The following SNX18 variants were observed in gnomAD, a reference collection of about 807,000 sequenced individuals.
The protein encoded by SNX18 is sorting nexin 18, also known as sorting nexin-18.
In SNX18, 35 loss-of-function variants were observed where a neutral mutation model predicts 48.7. The observed-to-expected ratio is 0.72, with a 90% CI of 0.55 to 0.95. The LOEUF is 0.95. SNX18 is among the 40% of genes least tolerant of loss of function. The pLI is 0.00. For missense variants in SNX18, 824 were observed against 871.0 expected, an observed-to-expected ratio of 0.95 and a Z score of 0.68; for synonymous variants, 492 against 384.7, an observed-to-expected ratio of 1.28 and a Z score of -3.26.
chr5:54,629,274 A>C, the SNX18 span, among the ~76,000 whole-genome samples: 1 of 152,182 alleles, frequency 6.6e-6, no homozygotes, highest in Admixed American at 6.5e-5. Context: ...ATGTTCTCAC[A>C]GTCCTGCAGC....
the SNX18 span, among the ~76,000 whole-genome samples, chr5:54,574,400 G>A: frequency 6.6e-6 from 1 of 152,154 alleles, no homozygotes. Context: ...CCTATATTCA[G>A]GGGTTGGCAA....
At chr5:54,615,023 C>G in the SNX18 span, among the ~76,000 whole-genome samples, 6 of 152,118 alleles carry the variant, frequency 3.9e-5, no homozygotes, top group African/African-American at 1.4e-4. Context: ...GTACATGACT[C>G]TAGGAAACAT....
At chr5:54,557,432 C>T in the SNX18 span, among the ~76,000 whole-genome samples, 14 of 152,182 alleles carry the variant, frequency 9.2e-5, no homozygotes, top group East Asian at 3.8e-4. Flanking sequence ...ACATAGCATG[C>T]GGTTGCCAAA....
the SNX18 span, among the ~76,000 whole-genome samples, chr5:54,616,723 C>T: frequency 6.6e-6 from 1 of 151,954 alleles, no homozygotes; most frequent in African/African-American, 2.4e-5. Context: ...AAGCCAAGAT[C>T]ATGCCACTGC....
the SNX18 span, among the ~76,000 whole-genome samples, chr5:54,588,306 C>CCTTTTTTTTT: frequency 1.4e-5 from 1 of 73,910 alleles, no homozygotes; most frequent in African/African-American, 5.4e-5. Flanking sequence ...TATTTCTATT[C>CCTTTTTTTTT]TTTTTTTTTT....
Position 54,519,506 on chromosome 5 carries a change from C to T in SNX18, c.1554C>T (p.Val518=). 1 of 1,614,240 alleles carries T rather than the reference C, an allele frequency of 6.2e-7. No individual in the cohort carries two copies. The highest frequency in any genetic ancestry group is 8.5e-7 in the Non-Finnish European group (1 of 1,180,054). ...AEQPRQDLDP[V]MDLLALYQGH... is the part of the protein sequence containing the mutation. ...AGCCCAGGCAGGACCTGGATCCCGT[C>T]ATGGACCTATTAGCGCTGTATCAGG... Residue 518 remains valine (V), a synonymous_variant, in exon 1 of 2, where the codon GTC becomes GTT. Transcript: ENST00000381410.
the SNX18 span, among the ~76,000 whole-genome samples, chr5:54,630,144 C>G: frequency 1.3e-5 from 2 of 152,174 alleles, no homozygotes; most frequent in Admixed American, 1.3e-4. Context: ...CTGCAGTGAA[C>G]AATTGACAAA....
intron 1 of SNX18, among the ~76,000 whole-genome samples, chr5:54,521,690 G>A (rs186973410): frequency 6.6e-6 from 1 of 152,206 alleles, no homozygotes. Flanking sequence ...GGGTGACAGA[G>A]CAAGACCCTG....
At chr5:54,565,572 TAA>T in the SNX18 span, among the ~76,000 whole-genome samples, 4 of 148,722 alleles carry the variant, frequency 2.7e-5, no homozygotes, top group African/African-American at 4.9e-5. Flanking sequence ...GACCTTGTCT[TAA>T]AAAAAAAAGT....
the SNX18 span, among the ~76,000 whole-genome samples, chr5:54,583,028 ACAATTTAGTCCTT>A: frequency 6.6e-6 from 1 of 152,216 alleles, no homozygotes; most frequent in South Asian, 2.1e-4. Context: ...ACAGTACTAT[ACAATTTAGTCCTT>A]CATTGGAAAT....
chr5:54,533,128 A>G (rs1425878049), intron 1 of SNX18, among the ~76,000 whole-genome samples: 1 of 152,118 alleles, frequency 6.6e-6, no homozygotes, highest in African/African-American at 2.4e-5. Context: ...TTTGCAGTTG[A>G]CTATGCTTGT....
the SNX18 span, among the ~76,000 whole-genome samples, chr5:54,583,024 C>G: frequency 6.6e-6 from 1 of 152,196 alleles, no homozygotes; most frequent in Non-Finnish European, 1.5e-5. Context: ...AGTGACAGTA[C>G]TATACAATTT....
the SNX18 span, among the ~76,000 whole-genome samples, chr5:54,590,822 C>A: frequency 6.6e-6 from 1 of 152,184 alleles, no homozygotes; most frequent in African/African-American, 2.4e-5. Context: ...GTCTCCCTTC[C>A]TCCCTAGATC....
At chr5:54,563,851 C>T in the SNX18 span, among the ~76,000 whole-genome samples, 1 of 151,744 alleles carries the variant, frequency 6.6e-6, no homozygotes, top group Non-Finnish European at 1.5e-5. Context: ...CCTAATATAA[C>T]ATATATATTA....
the SNX18 span, among the ~76,000 whole-genome samples, chr5:54,627,456 C>T: frequency 6.6e-6 from 1 of 152,148 alleles, no homozygotes; most frequent in African/African-American, 2.4e-5. Flanking sequence ...ATTTAATACA[C>T]ATTTGCATAT....
At chr5:54,600,403 TA>T in the SNX18 span, among the ~76,000 whole-genome samples, 1 of 152,172 alleles carries the variant, frequency 6.6e-6, no homozygotes, top group African/African-American at 2.4e-5. Context: ...GTTCAACCAT[TA>T]TGGAAGATGG....
the SNX18 span, among the ~76,000 whole-genome samples, chr5:54,647,200 T>C: frequency 6.6e-6 from 1 of 152,228 alleles, no homozygotes; most frequent in Admixed American, 6.5e-5. Flanking sequence ...TCAATAATCA[T>C]TTACTAAGTG....
At chr5:54,577,015 G>A in the SNX18 span, among the ~76,000 whole-genome samples, 1 of 152,100 alleles carries the variant, frequency 6.6e-6, no homozygotes, top group Non-Finnish European at 1.5e-5. Context: ...TGGCCAGGCT[G>A]GTCTCCAACT....
chr5:54,601,988 T>G, the SNX18 span, among the ~76,000 whole-genome samples: 1 of 152,360 alleles, frequency 6.6e-6, no homozygotes, highest in East Asian at 1.9e-4. Context: ...TCTGTTGCAC[T>G]GCTTGCCAAC....
Sources: gnomAD v4.1 joint callset for allele counts (sites outside exome capture counted in the v4.1 genomes callset) on GRCh38, gnomAD v4.1.1 for gene constraint, MANE v1.5 for transcripts, NCBI Gene and HGNC (gene_info 2026-07-23, HGNC 2026-07-21) for gene names.